The following EYS variants were observed in gnomAD, a reference collection of about 807,000 sequenced individuals.
EYS encodes protein eyes shut homolog.
In EYS, 250 loss-of-function variants were observed where a neutral mutation model predicts 282.1. That is an observed-to-expected ratio of 0.89 (90% CI 0.80 to 0.98). The LOEUF (loss-of-function observed/expected upper bound fraction) is 0.98. Among genes scored for constraint, EYS ranks in the 50% least tolerant of loss-of-function variants. The probability of loss-of-function intolerance (pLI) is 0.00; values close to 1 mark genes in which losing one functional copy is unlikely to be tolerated. For synonymous variants in EYS, 1,355 were observed against 1,282.9 expected (o/e 1.06, Z -1.20); for missense variants, 4,016 against 3,709.0 (o/e 1.08, Z -2.15).
intron 26 of EYS, among the ~76,000 whole-genome samples, chr6:64,549,372 T>A (rs1173897882): frequency 1.3e-5 from 2 of 152,238 alleles, no homozygotes; most frequent in African/African-American, 4.8e-5. Flanking sequence ...GTCCATGTCA[T>A]GATTCTCAAT....
chr6:65,557,909 G>C (rs1330214445), intron 2 of EYS, among the ~76,000 whole-genome samples: 1 of 152,156 alleles, frequency 6.6e-6, no homozygotes, highest in Admixed American at 6.5e-5. Flanking sequence ...ATCAGGAAGA[G>C]TGTCTGAATC....
At chr6:65,467,534 C>A (rs1020266347) in intron 5 of EYS, among the ~76,000 whole-genome samples, 1 of 151,800 alleles carries the variant, frequency 6.6e-6, no homozygotes, top group Non-Finnish European at 1.5e-5. Flanking sequence ...CACACACACA[C>A]AAACACTCAT....
chr6:64,083,867 A>T lies in EYS; in HGVS notation c.6425-1865T>A, dbSNP rs548260896. Among the ~76,000 whole-genome samples the T allele has an allele frequency of 2.0e-3, 304 of 152,186 alleles. 2 individuals carry two copies. The highest frequency in any genetic ancestry group is 2.7e-3 in the Admixed American group (41 of 15,298). ...ATTCTCCTGCCTCAGCCTCCTGAGTAGCTGGGATTACAGTCATGTGCCACC... is the reference window on the plus strand; with the variant it reads ...ATTCTCCTGCCTCAGCCTCCTGAGTTGCTGGGATTACAGTCATGTGCCACC... On this transcript the variant is annotated intron_variant, in intron 31 of 42. Transcript: ENST00000503581.
At chr6:64,927,731 C>A (rs1768564837) in intron 15 of EYS, among the ~76,000 whole-genome samples, 1 of 151,900 alleles carries the variant, frequency 6.6e-6, no homozygotes, top group Non-Finnish European at 1.5e-5. Flanking sequence ...ATATAAGAAA[C>A]AAACATAAAT....
At chr6:65,017,324 CAT>C (rs1772088080) in intron 13 of EYS, among the ~76,000 whole-genome samples, 1 of 152,174 alleles carries the variant, frequency 6.6e-6, no homozygotes, top group African/African-American at 2.4e-5. Flanking sequence ...TGAATGCAAA[CAT>C]ATGAAGTCAG....
intron 41 of EYS, among the ~76,000 whole-genome samples, chr6:63,727,827 G>A (rs1275952794): frequency 7.2e-6 from 1 of 139,004 alleles, no homozygotes; most frequent in African/African-American, 2.8e-5. Context: ...AGTTGAGCTT[G>A]GGAGGTGGAG....
intron 29 of EYS, among the ~76,000 whole-genome samples, chr6:64,323,269 A>G (rs2150385700): frequency 6.6e-6 from 1 of 152,238 alleles, no homozygotes; most frequent in South Asian, 2.1e-4. Flanking sequence ...CCTATTGTGG[A>G]TATGTTACAC....
chr6:63,909,959 G>T (rs1298403499), intron 35 of EYS, among the ~76,000 whole-genome samples: 17 of 152,096 alleles, frequency 1.1e-4, no homozygotes, highest in Non-Finnish European at 2.5e-4. Flanking sequence ...TTAAAAATGA[G>T]GGAGGATGAC....
intron 35 of EYS, among the ~76,000 whole-genome samples, chr6:63,908,396 A>C (rs1209497217): frequency 6.6e-6 from 1 of 152,138 alleles, no homozygotes; most frequent in Non-Finnish European, 1.5e-5. Flanking sequence ...GGAAAACAGT[A>C]TAAAGATTTC....
chr6:64,710,766 A>G (rs1771184376), intron 22 of EYS, among the ~76,000 whole-genome samples: 1 of 152,212 alleles, frequency 6.6e-6, no homozygotes, highest in African/African-American at 2.4e-5. Flanking sequence ...CCAGAATATG[A>G]TTGGGGCAGA....
chr6:64,342,775 G>A (rs1771177847), intron 29 of EYS, among the ~76,000 whole-genome samples: 1 of 151,950 alleles, frequency 6.6e-6, no homozygotes, highest in African/African-American at 2.4e-5. Context: ...TGGATAAAGA[G>A]TCAAAACCCA....
chr6:64,058,049 C>T (rs894063685), intron 33 of EYS, among the ~76,000 whole-genome samples: 4 of 152,240 alleles, frequency 2.6e-5, no homozygotes, highest in Non-Finnish European at 5.9e-5. Flanking sequence ...GTCTCATAAT[C>T]TTCCTATGTT....
intron 29 of EYS, among the ~76,000 whole-genome samples, chr6:64,361,692 T>C (rs570127746): frequency 1.5e-4 from 22 of 151,686 alleles, no homozygotes; most frequent in African/African-American, 5.3e-4. Flanking sequence ...ACAATTGCAT[T>C]TTTTTTCTTC....
intron 22 of EYS, among the ~76,000 whole-genome samples, chr6:64,754,820 G>C (rs1012149454): frequency 6.6e-6 from 1 of 151,964 alleles, no homozygotes; most frequent in South Asian, 2.1e-4. Context: ...GCCATGTATC[G>C]CAAAGCCAAC....
intron 26 of EYS, among the ~76,000 whole-genome samples, chr6:64,511,907 G>T (rs1400077332): frequency 6.6e-6 from 1 of 151,940 alleles, no homozygotes; most frequent in Non-Finnish European, 1.5e-5. Flanking sequence ...TTTAGGTAAA[G>T]AACATATAAA....
intron 12 of EYS, among the ~76,000 whole-genome samples, chr6:65,138,639 T>C (rs1022686957): frequency 2.0e-5 from 3 of 152,008 alleles, no homozygotes; most frequent in Non-Finnish European, 2.9e-5. Flanking sequence ...CTTTATACTT[T>C]ATATATCCCA....
chr6:63,937,412 A>G (rs1292941825), intron 35 of EYS, among the ~76,000 whole-genome samples: 10 of 84,960 alleles, frequency 1.2e-4, no homozygotes, highest in Non-Finnish European at 2.0e-4. Context: ...ACGGAGTCTC[A>G]CTTTGTTGCC....
intron 8 of EYS, among the ~76,000 whole-genome samples, chr6:65,377,505 G>T (rs944503150): frequency 6.6e-6 from 1 of 151,948 alleles, no homozygotes; most frequent in Admixed American, 6.6e-5. Flanking sequence ...GCTAGCAGAA[G>T]ACAAGAAATA....
chr6:64,191,671 T>C (rs1388810814), intron 31 of EYS, among the ~76,000 whole-genome samples: 4 of 152,228 alleles, frequency 2.6e-5, no homozygotes, highest in Non-Finnish European at 5.9e-5. Context: ...TCATTTTTTA[T>C]GGCTGCATAA....
Sources: gnomAD v4.1 joint callset for allele counts (sites outside exome capture counted in the v4.1 genomes callset) on GRCh38, gnomAD v4.1.1 for gene constraint, MANE v1.5 for transcripts, NCBI Gene and HGNC (gene_info 2026-07-23, HGNC 2026-07-21) for gene names.